The following CNTN4 variants were observed in gnomAD, a reference collection of about 807,000 sequenced individuals.
CNTN4 encodes the protein contactin 4, also known as contactin-4.
A neutral mutation model predicts 122.5 loss-of-function variants in CNTN4; 77 were observed. The ratio of observed to expected loss-of-function variants is 0.63; its 90% CI spans 0.52 to 0.76. The LOEUF (loss-of-function observed/expected upper bound fraction) is 0.76. Ranked by LOEUF, CNTN4 falls within the 30% of genes least tolerant of loss-of-function variation. The probability of loss-of-function intolerance (pLI) is 0.00; values close to 1 mark genes in which losing one functional copy is unlikely to be tolerated. For synonymous variants in CNTN4, 512 were observed against 447.0 expected (o/e 1.15, Z -1.83); for missense variants, 1,256 against 1,259.1 (o/e 1.00, Z 0.04).
chr3:2,333,574 T>C (rs897156105), intron 2 of CNTN4, among the ~76,000 whole-genome samples: 3 of 152,254 alleles, frequency 2.0e-5, no homozygotes, highest in African/African-American at 7.2e-5. Context: ...AAGCCTGTTA[T>C]GTATCATCTT....
chr3:2,527,064 T>C (rs1488300375), intron 3 of CNTN4, among the ~76,000 whole-genome samples: 1 of 152,194 alleles, frequency 6.6e-6, no homozygotes, highest in East Asian at 1.9e-4. Flanking sequence ...CTTGTTCCTG[T>C]CCTGGCATTC....
At chr3:2,728,356 C>T (rs775195880) in intron 4 of CNTN4, among the ~76,000 whole-genome samples, 12 of 152,140 alleles carry the variant, frequency 7.9e-5, no homozygotes, top group Non-Finnish European at 1.3e-4. Context: ...AGGTTCACAG[C>T]CAGCAGGACA....
chr3:2,953,632 C>T (rs2094769327), intron 13 of CNTN4, among the ~76,000 whole-genome samples: 1 of 152,094 alleles, frequency 6.6e-6, no homozygotes, highest in African/African-American at 2.4e-5. Flanking sequence ...TATTTCCAGC[C>T]TGAAATTCTC....
intron 7 of CNTN4, among the ~76,000 whole-genome samples, chr3:2,850,806 TATA>T (rs1341933900): frequency 6.6e-6 from 1 of 152,202 alleles, no homozygotes; most frequent in East Asian, 1.9e-4. Flanking sequence ...ATTTAAATCA[TATA>T]ATATTTTCCA....
intron 7 of CNTN4, among the ~76,000 whole-genome samples, chr3:2,827,748 T>C (rs1282513188): frequency 2.0e-5 from 3 of 152,210 alleles, no homozygotes; most frequent in Non-Finnish European, 2.9e-5. Context: ...TTGCATTTTC[T>C]ATTTAGCGTG....
intron 14 of CNTN4, among the ~76,000 whole-genome samples, chr3:2,996,409 T>C (rs1695541573): frequency 6.6e-6 from 1 of 152,164 alleles, no homozygotes; most frequent in Non-Finnish European, 1.5e-5. Context: ...CTCTCAGATA[T>C]TGTAGAAGAG....
At chr3:2,229,410 T>C (rs185088786) in intron 2 of CNTN4, among the ~76,000 whole-genome samples, 1 of 152,120 alleles carries the variant, frequency 6.6e-6, no homozygotes, top group South Asian at 2.1e-4. Flanking sequence ...TTAAATGAAA[T>C]CTGTTAGGTA....
intron 14 of CNTN4, among the ~76,000 whole-genome samples, chr3:3,011,633 C>A (rs1697238185): frequency 6.6e-6 from 1 of 152,148 alleles, no homozygotes; most frequent in Admixed American, 6.5e-5. Flanking sequence ...TCACTAGCAA[C>A]AACTTGTTTT....
At position 2,784,428 on chromosome 3, in the gene CNTN4, C is replaced by A. The variant is rs183083727; in HGVS notation, c.359-35058C>A. On this transcript the variant is annotated intron_variant, in intron 6 of 24. Coordinates refer to ENST00000418658, the MANE Select transcript of CNTN4 (RefSeq NM_175607.3). ...CAATATAGGGAGAATATAATTAGACCCTTTTTTCAGATGAGGAAACTGAGT... is the reference window on the plus strand; with the variant it reads ...CAATATAGGGAGAATATAATTAGACACTTTTTTCAGATGAGGAAACTGAGT... 2.6e-5 allele frequency among the ~76,000 whole-genome samples: 4 copies of A among 152,276 alleles called. No individual in the cohort carries two copies. The South Asian group carries it at 6.2e-4, about 24-fold the overall frequency.
intron 4 of CNTN4, among the ~76,000 whole-genome samples, chr3:2,640,589 G>A (rs1453586880): frequency 6.6e-6 from 1 of 152,164 alleles, no homozygotes; most frequent in Non-Finnish European, 1.5e-5. Flanking sequence ...GTGACTGTGA[G>A]ATAATAACTG....
At chr3:2,820,961 C>CTTTTTTCT (rs1553649828) in intron 7 of CNTN4, among the ~76,000 whole-genome samples, 1 of 107,580 alleles carries the variant, frequency 9.3e-6, no homozygotes, top group Non-Finnish European at 1.8e-5. Flanking sequence ...TTTTCTCTTT[C>CTTTTTTCT]TTTTTTTTTT....
intron 4 of CNTN4, among the ~76,000 whole-genome samples, chr3:2,598,571 T>A (rs564230262): frequency 5.3e-5 from 8 of 152,308 alleles, no homozygotes; most frequent in African/African-American, 1.9e-4. Flanking sequence ...ATATGGTACT[T>A]GAACTGCAAT....
chr3:2,146,363 G>T (rs2035248433), intron 2 of CNTN4, among the ~76,000 whole-genome samples: 2 of 151,302 alleles, frequency 1.3e-5, no homozygotes, highest in South Asian at 2.1e-4. Flanking sequence ...TCTCTATGTT[G>T]TAGATAGATA....
chr3:2,377,252 T>G (rs2045856361), intron 3 of CNTN4, among the ~76,000 whole-genome samples: 1 of 152,140 alleles, frequency 6.6e-6, no homozygotes, highest in Non-Finnish European at 1.5e-5. Flanking sequence ...GCATTATTAG[T>G]GTTTTCAGTA....
At chr3:2,141,691 A>T (rs776380873) in intron 2 of CNTN4, among the ~76,000 whole-genome samples, 2 of 152,170 alleles carry the variant, frequency 1.3e-5, no homozygotes, top group Non-Finnish European at 2.9e-5. Flanking sequence ...TTCTAAAATC[A>T]TATAGCTCCC....
intron 2 of CNTN4, among the ~76,000 whole-genome samples, chr3:2,225,118 T>C (rs1425774238): frequency 4.0e-5 from 6 of 149,940 alleles, no homozygotes; most frequent in Non-Finnish European, 8.9e-5. Flanking sequence ...ACCACTGCAC[T>C]CCAGCCTGGG....
intron 13 of CNTN4, among the ~76,000 whole-genome samples, chr3:2,941,780 C>T (rs548711400): frequency 1.1e-4 from 16 of 152,138 alleles, no homozygotes; most frequent in Non-Finnish European, 2.1e-4. Context: ...AGAAGCTAAG[C>T]TGTTGAACAC....
intron 3 of CNTN4, among the ~76,000 whole-genome samples, chr3:2,529,121 A>G (rs2077504415): frequency 1.3e-5 from 2 of 152,148 alleles, no homozygotes; most frequent in Non-Finnish European, 2.9e-5. Context: ...CACTCTTCCC[A>G]GCCTCTAAAA....
intron 3 of CNTN4, among the ~76,000 whole-genome samples, chr3:2,416,118 A>AATAT (rs71621488): frequency 6.6e-6 from 1 of 150,464 alleles, no homozygotes; most frequent in African/African-American, 2.4e-5. Context: ...GGAAGCAAGA[A>AATAT]ATATATATAT....
Sources: allele counts gnomAD v4.1 joint callset (sites outside exome capture counted in the v4.1 genomes callset), GRCh38; gene constraint gnomAD v4.1.1; transcripts MANE v1.5; gene names NCBI Gene and HGNC (gene_info 2026-07-23, HGNC 2026-07-21).